Variants in PSD observed in about 807,000 individuals in gnomAD.
PSD encodes the protein PH and SEC7 domain-containing protein 1.
In PSD, 32 loss-of-function variants were observed where a neutral mutation model predicts 91.6. The observed-to-expected ratio is 0.35, with a 90% confidence interval of 0.26 to 0.47. The LOEUF is 0.47. Among genes scored for constraint, PSD ranks in the 20% least tolerant of loss-of-function variants. The pLI, the probability that PSD is intolerant of heterozygous loss-of-function variation, is 1.00. For missense variants in PSD, 1,099 were observed against 1,373.9 expected (o/e 0.80, Z 3.16); for synonymous variants, 532 against 569.3 (o/e 0.93, Z 0.93).
At position 102,405,322 on chromosome 10, in the gene PSD, G is replaced by A. The variant is rs772489109; in HGVS notation, c.2326+24C>T. The A allele has an allele frequency of 2.1e-5, 34 of 1,607,334 alleles. No homozygotes were observed. Among genetic ancestry groups the A allele is most frequent in the East Asian group, 4.5e-5 (2 of 44,800 alleles). On this transcript the variant is annotated intron_variant, in intron 12 of 16. Coordinates refer to ENST00000020673, the MANE Select transcript of PSD (RefSeq NM_002779.5). This position sits in a 1 kb window ranked among gnomAD's most constrained non-coding sequence, Gnocchi z 5.4. ...ACTCCCATCCATCCCCTAGACGCCCGCCCCCCGCAACTCGGCCACATACTC... is the reference window on the plus strand; with the variant it reads ...ACTCCCATCCATCCCCTAGACGCCCACCCCCCGCAACTCGGCCACATACTC...
At chr10:102,415,353 A>C in intron 3 of PSD, 124 bp from the exon 4 acceptor site, 1 of 1,169,764 alleles carries the variant, frequency 8.5e-7, no homozygotes, top group Non-Finnish European at 1.1e-6. Flanking sequence ...TCTAGCCACC[A>C]TTCCTCCTGC....
chr10:102,412,064 C>A, intron 7 of PSD, 83 bp downstream of exon 7: 1 of 1,394,220 alleles, frequency 7.2e-7, no homozygotes, highest in Non-Finnish European at 1.0e-6. Flanking sequence ...TTGTGGGGGA[C>A]AGAGGGGCTC....
intron 7 of PSD, 113 bp downstream of exon 7, chr10:102,412,019 CCCAGCCATCTTGGGA>C: frequency 8.6e-7 from 1 of 1,162,040 alleles, no homozygotes; most frequent in Non-Finnish European, 1.3e-6. Context: ...CTTGGCCATG[CCCAGCCATCTTGGGA>C]AGGGTGATGT....
chr10:102,403,694 G>A lies in PSD; in HGVS notation c.2844+148C>T. 9.0e-7 allele frequency: 1 copy of A among 1,115,156 alleles called. No homozygotes were observed. The allele number at this position is 1,115,156 out of a possible 1,614,324, so 69.1% of individuals were successfully genotyped here. A position where few individuals can be genotyped will look rare whatever the true frequency, so the allele number is the denominator to read the frequency against. ...CTCGAGACCCCAGTGGATGTCAAAT[G>A]TTATCCTTGTTGCACAGAGGAGGAA... On this transcript the variant is annotated intron_variant, in intron 16 of 16. Transcript: ENST00000020673. The surrounding 1 kb of genome is among the most constrained non-coding windows in gnomAD (Gnocchi z 6.7).
In PSD at chr10:102,412,425, T is replaced by C. The variant is rs2061433971; in HGVS notation, c.1704A>G (p.Leu568=). The C allele has an allele frequency of 3.1e-6, 5 of 1,614,100 alleles. No individual in the cohort carries two copies. The highest frequency in any genetic ancestry group is 2.2e-5 in the South Asian group (2 of 91,088). ...AQRLAKRLYR[L]DGFRKADVAR... ...CCACATCGGCCTTCCTGAAGCCATC[T>C]AGTCGGTACAGCCTCTTGGCCAGGC... is the stretch of plus-strand genomic sequence containing the variant. The change falls in exon 6 of 17, where the codon CTA becomes CTG. Residue 568 remains leucine (L), a synonymous_variant. Coordinates refer to ENST00000020673, the MANE Select transcript of PSD (RefSeq NM_002779.5).
intron 6 of PSD, 51 bp from the exon 7 acceptor site, chr10:102,412,278 G>A (rs1297536891): frequency 6.2e-7 from 1 of 1,610,616 alleles, no homozygotes; most frequent in Non-Finnish European, 8.5e-7. Context: ...AGTGCAGGGG[G>A]TCAGGTGGGG....
At chr10:102,415,701 G>C (rs1274667061) in intron 3 of PSD, among the ~76,000 whole-genome samples, 3 of 152,146 alleles carry the variant, frequency 2.0e-5, no homozygotes, top group African/African-American at 7.2e-5. Flanking sequence ...GCTTTGAGCA[G>C]TCCTCCTGCC....
At position 102,416,157 on chromosome 10, in the gene PSD, A is replaced by G; in HGVS notation, c.655-38T>C. 6.7e-7 allele frequency: 1 copy of G among 1,486,228 alleles called. No individual in the cohort carries two copies. The highest frequency in any genetic ancestry group is 9.3e-7 in the Non-Finnish European group (1 of 1,071,876). 92.1% of individuals were successfully genotyped at this position (1,486,228 alleles called of 1,614,324 possible). A position where few individuals can be genotyped will look rare whatever the true frequency, so the allele number is the denominator to read the frequency against. On this transcript the variant is annotated intron_variant, in intron 2 of 16. Transcript: ENST00000020673. This position sits in a 1 kb window ranked among gnomAD's most constrained non-coding sequence, Gnocchi z 6.0. Reference sequence around the variant, plus strand: ...GGGAGACACAGGCACCCAGAGATAAAGCCAGACATACAAGGACACAAGAAT... The same window carrying G: ...GGGAGACACAGGCACCCAGAGATAAGGCCAGACATACAAGGACACAAGAAT...
rs117396188 is a variant in PSD, at chr10:102,410,230, A to T, written c.2091+628T>A. On this transcript the variant is annotated intron_variant, in intron 10 of 16. Coordinates refer to ENST00000020673, the MANE Select transcript of PSD (RefSeq NM_002779.5). This position sits in a 1 kb window ranked among gnomAD's most constrained non-coding sequence, Gnocchi z 6.0. ...GAGGAGTGAACCCACTGGATGAGCC[A>T]CTCCCTTCTCCTACCGGCACCAGCC... 2.0e-5 allele frequency among the ~76,000 whole-genome samples: 3 copies of T among 151,282 alleles called. No homozygotes were observed. Among genetic ancestry groups the T allele is most frequent in the Non-Finnish European group, 4.4e-5 (3 of 67,852 alleles).
Position 102,414,818 on chromosome 10 carries a change from A to C in PSD, c.1124+45T>G, listed in dbSNP as rs182428075. The C allele has an allele frequency of 2.8e-5, 42 of 1,485,506 alleles. No homozygotes were observed. In the East Asian group the frequency reaches 8.7e-4, roughly 31 times the overall value. 92.0% of individuals were successfully genotyped at this position (1,485,506 alleles called of 1,614,324 possible). ...TGCCTGTGGGCCAGTGCGAAGGAGCAAGCCGCTTCCCTCTCCCACTTCCCC... is the reference window on the plus strand; with the variant it reads ...TGCCTGTGGGCCAGTGCGAAGGAGCCAGCCGCTTCCCTCTCCCACTTCCCC... On this transcript the variant is annotated intron_variant, in intron 4 of 16. Transcript: ENST00000020673. This position sits in a 1 kb window ranked among gnomAD's most constrained non-coding sequence, Gnocchi z 5.6.
intron 7 of PSD, 71 bp downstream of exon 7, chr10:102,412,076 A>G: frequency 6.8e-7 from 1 of 1,479,758 alleles, no homozygotes; most frequent in South Asian, 1.1e-5. Context: ...GAGGGGCTCA[A>G]AGGAGGCATC....
In PSD at chr10:102,405,473, C is replaced by T. The variant is rs1377592148; in HGVS notation, c.2199G>A (p.Lys733=). The T allele has an allele frequency of 2.5e-6, 4 of 1,613,960 alleles. No individual in the cohort carries two copies. Among genetic ancestry groups the T allele is most frequent in the East Asian group, 2.2e-5 (1 of 44,898 alleles). ...ELADPNPKVI[K]RISGGSGSGS... ...CACTGCCACTGCCCCCGCTGATCCG[C>T]TTGATGACCTTGGGGTTGGGGTCGG... Residue 733 remains lysine, a synonymous_variant, in exon 12 of 17, where the codon AAG becomes AAA. Coordinates refer to ENST00000020673, the MANE Select transcript of PSD (RefSeq NM_002779.5). The surrounding 1 kb of genome is among the most constrained non-coding windows in gnomAD (Gnocchi z 5.4).
In PSD at chr10:102,412,550, A is replaced by G; in HGVS notation, c.1579T>C (p.Ser527Pro). The G allele has an allele frequency of 6.2e-7, 1 of 1,613,384 alleles. No individual in the cohort carries two copies. The highest frequency in any genetic ancestry group is 1.1e-5 in the South Asian group (1 of 91,022). The change falls in exon 6 of 17, where the codon TCC (serine) becomes CCC (proline). Residue 527 changes from serine to proline, a missense_variant. Around this residue, in one of 3 missense-constraint regions of PSD, gnomAD observed 631 missense variants for 728.8 expected, o/e 0.87. Transcript: ENST00000020673. Reference protein sequence around the residue: ...GSEPPLSQLVSDSDSELDSTE... With the variant: ...GSEPPLSQLVPDSDSELDSTE... The stretch of plus-strand genomic sequence containing the variant: ...CTGTCCAGCTCTGAGTCTGAGTCGG[A>G]CACCAGCTGGCTCAGGGGTGGTTCG...
intron 7 of PSD, 45 bp from the exon 8 acceptor site, chr10:102,411,864 C>G: frequency 7.1e-7 from 1 of 1,417,702 alleles, no homozygotes; most frequent in Non-Finnish European, 9.9e-7. Context: ...CAGGAGTTTC[C>G]AGCCTCTGTC....
At chr10:102,412,254 G>C (rs1378511890) in intron 6 of PSD, 27 bp from the exon 7 acceptor site, 1 of 1,612,628 alleles carries the variant, frequency 6.2e-7, no homozygotes, top group Non-Finnish European at 8.5e-7. Flanking sequence ...GAGACAGGTA[G>C]GGTCTCAAGG....
Position 102,403,813 on chromosome 10 carries a change from T to C in PSD, c.2844+29A>G, listed in dbSNP as rs373631507. The C allele has an allele frequency of 7.1e-5, 113 of 1,602,366 alleles. No individual in the cohort carries two copies. The highest frequency in any genetic ancestry group is 9.3e-5 in the Non-Finnish European group (109 of 1,173,182). On this transcript the variant is annotated intron_variant, in intron 16 of 16. Transcript: ENST00000020673. The surrounding 1 kb of genome is among the most constrained non-coding windows in gnomAD (Gnocchi z 6.7). ...TCACCCTAGTATGGGCCTGCGTGTG[T>C]GGACAGAGGGGCAGACAGGGAGGCT...
At chr10:102,418,814 T>TCCCCCCCCCCCCCCCCC, upstream of PSD, 1 of 258,134 alleles carries the variant, frequency 3.9e-6, no homozygotes, top group Non-Finnish European at 7.7e-6. Context: ...TCTCAGTCCC[T>TCCCCCCCCCCCCCCCCC]CCCCCTACCC....
intron 11 of PSD, 28 bp downstream of exon 11, chr10:102,407,184 TGCCCCATCCTA>T (rs758820517): frequency 5.6e-6 from 7 of 1,247,918 alleles, no homozygotes; most frequent in African/African-American, 4.7e-5. Flanking sequence ...CCCTTCCCCA[TGCCCCATCCTA>T]GCCCCACCAC....
chr10:102,416,894 G>C lies in PSD; in HGVS notation c.145C>G (p.Arg49Gly). The C allele has an allele frequency of 6.2e-7, 1 of 1,607,234 alleles. No homozygotes were observed. Among genetic ancestry groups the C allele is most frequent in the South Asian group, 1.1e-5 (1 of 90,528 alleles). ...MYGSTGSLLR[R>G]VAGPGPRGRE... ...CCTCGAGGACCTGGACCTGCCACTC[G>C]CCGTAGCAAGGAGCCTGTGCTGCCA... Residue 49 changes from arginine to glycine, a missense_variant, in exon 2 of 17, where the codon CGA becomes GGA. Arg to Gly is a moderately radical substitution (Grantham distance 125). Coordinates refer to ENST00000020673, the MANE Select transcript of PSD (RefSeq NM_002779.5). The surrounding 1 kb of genome is among the most constrained non-coding windows in gnomAD (Gnocchi z 6.0).
Sources: allele counts gnomAD v4.1 joint callset (sites outside exome capture counted in the v4.1 genomes callset), GRCh38; gene constraint gnomAD v4.1.1; regional missense constraint gnomAD v4.1.1; non-coding constraint Gnocchi (gnomAD v3.1); transcripts MANE v1.5; gene names NCBI Gene and HGNC (gene_info 2026-07-23, HGNC 2026-07-21).